The following PTPRN2 variants were observed in gnomAD, a reference collection of about 807,000 sequenced individuals.
PTPRN2 encodes receptor-type tyrosine-protein phosphatase N2.
PTPRN2 carries 74 observed loss-of-function variants against 118.8 expected under a neutral mutation model. The ratio of observed to expected loss-of-function variants is 0.62; its 90% CI spans 0.52 to 0.76. The LOEUF (loss-of-function observed/expected upper bound fraction) is 0.76, where lower values mean the gene tolerates loss of function less well. PTPRN2 is among the 30% of genes least tolerant of loss of function. The pLI is 0.00. For missense variants in PTPRN2, 1,481 were observed against 1,394.4 expected, an observed-to-expected ratio of 1.06 and a Z score of -0.99; for synonymous variants, 641 against 608.0, an observed-to-expected ratio of 1.05 and a Z score of -0.80.
At chr7:158,328,595 G>A (rs763980200) in intron 2 of PTPRN2, among the ~76,000 whole-genome samples, 6 of 152,168 alleles carry the variant, frequency 3.9e-5, no homozygotes, top group East Asian at 1.9e-4. Context: ...CTCACTGTCC[G>A]GAGAGGCCAG....
At chr7:158,434,098 A>G (rs11765319) in intron 2 of PTPRN2, among the ~76,000 whole-genome samples, 65,269 of 152,014 alleles carry the variant, frequency 0.43, 14,400 homozygotes, top group East Asian at 0.62. Context: ...TTATCTGATC[A>G]AAACATTTCC....
intron 12 of PTPRN2, among the ~76,000 whole-genome samples, chr7:157,814,502 G>GGC (rs1480677021): frequency 8.6e-5 from 12 of 139,512 alleles, no homozygotes; most frequent in African/African-American, 3.6e-4. Flanking sequence ...AGAGACACGG[G>GGC]GCAGGACGGG....
intron 11 of PTPRN2, among the ~76,000 whole-genome samples, chr7:158,068,067 TGGA>T (rs1810914476): frequency 6.6e-6 from 1 of 152,052 alleles, no homozygotes; most frequent in Non-Finnish European, 1.5e-5. Context: ...CATGCTGGGC[TGGA>T]GGAGAGCTGA....
intron 12 of PTPRN2, among the ~76,000 whole-genome samples, chr7:157,783,525 A>C (rs1803815673): frequency 6.7e-6 from 1 of 148,300 alleles, no homozygotes; most frequent in South Asian, 2.3e-4. Flanking sequence ...ATCTAGTATG[A>C]AGTCATCTTA....
chr7:157,558,808 C>T (rs1408243040), intron 21 of PTPRN2, among the ~76,000 whole-genome samples: 2 of 152,200 alleles, frequency 1.3e-5, no homozygotes, highest in Non-Finnish European at 2.9e-5. Context: ...CGGCAGCTGC[C>T]TCGGTCCCTC....
chr7:158,192,539 G>C, intron 4 of PTPRN2, 44 bp from the exon 5 acceptor site: 1 of 1,551,824 alleles, frequency 6.4e-7, no homozygotes, highest in Non-Finnish European at 8.6e-7. Flanking sequence ...ATGTTTGCTG[G>C]TGCCTGGAGC....
At chr7:157,940,740 TGACACTGCAAATCTGACACCCTCCCCAC>T (rs1423053151) in intron 11 of PTPRN2, among the ~76,000 whole-genome samples, 4,490 of 61,404 alleles carry the variant, frequency 0.073, 1,255 homozygotes, top group African/African-American at 0.18. Context: ...CCCTGCCCCA[TGACACTGCAAATCTGACACCCTCCCCAC>T]CATGACACTG....
intron 14 of PTPRN2, among the ~76,000 whole-genome samples, chr7:157,642,855 C>T (rs1006205401): frequency 1.5e-4 from 14 of 95,498 alleles, no homozygotes; most frequent in South Asian, 8.1e-4. Flanking sequence ...GCAGCTAAAA[C>T]GCAGGGCTGC....
intron 11 of PTPRN2, among the ~76,000 whole-genome samples, chr7:158,034,498 G>C (rs1807947090): frequency 6.6e-6 from 1 of 152,200 alleles, no homozygotes; most frequent in Non-Finnish European, 1.5e-5. Context: ...CACTTTGCCT[G>C]CTGCCATCCA....
chr7:158,109,690 G>T (rs1205764313), intron 10 of PTPRN2, among the ~76,000 whole-genome samples: 1 of 151,670 alleles, frequency 6.6e-6, no homozygotes, highest in Non-Finnish European at 1.5e-5. Context: ...TGTCACCCCT[G>T]TGTGAGGGAG....
Position 157,823,086 on chromosome 7 carries a change from A to G in PTPRN2, c.1788+75587T>C, listed in dbSNP as rs530693841. On this transcript the variant is annotated intron_variant, in intron 12 of 22. Transcript: ENST00000389418. ...TTCACCCACTATCCATCATCCATCCATGCATGCATCCATCTATCCTTCCTT... is the reference window on the plus strand; with the variant it reads ...TTCACCCACTATCCATCATCCATCCGTGCATGCATCCATCTATCCTTCCTT... 3.2e-3 allele frequency among the ~76,000 whole-genome samples: 485 copies of G among 151,808 alleles called. 3 individuals are homozygous for G. The highest frequency in any genetic ancestry group is 0.011 in the African/African-American group (456 of 41,344).
chr7:157,983,437 G>A (rs1325124597), intron 11 of PTPRN2, among the ~76,000 whole-genome samples: 1 of 152,226 alleles, frequency 6.6e-6, no homozygotes, highest in East Asian at 1.9e-4. Context: ...ATGAGGAGGG[G>A]AATGCAGAGT....
At chr7:157,709,601 T>C (rs943052365) in intron 12 of PTPRN2, among the ~76,000 whole-genome samples, 2 of 152,184 alleles carry the variant, frequency 1.3e-5, no homozygotes, top group Non-Finnish European at 2.9e-5. Flanking sequence ...GACTTCGACC[T>C]CGCTCCACGT....
chr7:158,244,760 CAG>C (rs1796100988), intron 3 of PTPRN2, among the ~76,000 whole-genome samples: 1 of 150,620 alleles, frequency 6.6e-6, no homozygotes, highest in Non-Finnish European at 1.5e-5. Context: ...TGGTTAGCGT[CAG>C]AGTATGTGTG....
At chr7:158,319,422 A>T (rs796922174) in intron 2 of PTPRN2, among the ~76,000 whole-genome samples, 44 of 62,334 alleles carry the variant, frequency 7.1e-4, no homozygotes, top group African/African-American at 2.5e-3. Context: ...AGCCTCCCAC[A>T]CACACACACA....
chr7:157,621,614 C>T (rs989061383), intron 14 of PTPRN2, 105 bp from the exon 15 acceptor site: 3 of 1,433,742 alleles, frequency 2.1e-6, no homozygotes, highest in Admixed American at 1.8e-5. Flanking sequence ...TGGGCCATGC[C>T]CACCTTGCTC....
Position 157,578,091 on chromosome 7 carries a change from G to A in PTPRN2, c.2546C>T (p.Ala849Val), listed in dbSNP as rs567734269. 6 of 1,613,468 alleles carry A rather than the reference G, an allele frequency of 3.7e-6. No homozygotes were observed. Among genetic ancestry groups the A allele is most frequent in the East Asian group, 4.5e-5 (2 of 44,868 alleles). ...CVVIVMLTPL[A>V]ENGVRQCYHY... is the part of the protein sequence containing the mutation. ...GTAGCACTGCCGGACGCCGTTCTCCGCGAGGGGTGTCAGCATGACGATCAC... is the reference window on the plus strand; with the variant it reads ...GTAGCACTGCCGGACGCCGTTCTCCACGAGGGGTGTCAGCATGACGATCAC... Residue 849 changes from alanine to valine, a missense_variant, in exon 18 of 23, where the codon GCG (alanine) becomes GTG (valine). By Grantham distance (64) the Ala-to-Val change is moderately conservative. Coordinates refer to ENST00000389418, the MANE Select transcript of PTPRN2 (RefSeq NM_002847.5).
intron 2 of PTPRN2, among the ~76,000 whole-genome samples, chr7:158,318,426 T>C (rs929852989): frequency 1.3e-5 from 2 of 152,144 alleles, no homozygotes; most frequent in Non-Finnish European, 2.9e-5. Flanking sequence ...GTGCTCACAA[T>C]GCAGAACAAT....
At chr7:157,795,427 G>T (rs1364963120) in intron 12 of PTPRN2, among the ~76,000 whole-genome samples, 1 of 152,250 alleles carries the variant, frequency 6.6e-6, no homozygotes, top group Admixed American at 6.5e-5. Flanking sequence ...TCCCCAGGGG[G>T]CTGAGGCTGG....
Sources: allele counts gnomAD v4.1 joint callset (sites outside exome capture counted in the v4.1 genomes callset), GRCh38; gene constraint gnomAD v4.1.1; transcripts MANE v1.5; gene names NCBI Gene and HGNC (gene_info 2026-07-23, HGNC 2026-07-21).